Variants in RTP2 observed in about 807,000 individuals in gnomAD.
RTP2 encodes the protein receptor-transporting protein 2.
In RTP2, 12 loss-of-function variants were observed where a neutral mutation model predicts 17.9. That is an observed-to-expected ratio of 0.67 (90% CI 0.43 to 1.09). The LOEUF (loss-of-function observed/expected upper bound fraction) is 1.09, where lower values mean the gene tolerates loss of function less well. RTP2 is among the 50% of genes least tolerant of loss of function. The pLI, the probability that RTP2 is intolerant of heterozygous loss-of-function variation, is 0.00. For missense variants in RTP2, 327 were observed against 295.7 expected (o/e 1.11, Z -0.78); for synonymous variants, 126 against 117.7 (o/e 1.07, Z -0.46).
At chr3:187,702,533 T>A (rs1397007246) in exon 1 of RTP2, 3 of 459,588 alleles carry the variant, frequency 6.5e-6, no homozygotes, top group Non-Finnish European at 1.3e-5. Flanking sequence ...CCACATCATG[T>A]GCTATGGTAA....
chr3:187,702,770 GT>G (rs1473579717), upstream of RTP2, among the ~76,000 whole-genome samples: 1 of 152,218 alleles, frequency 6.6e-6, no homozygotes, highest in Non-Finnish European at 1.5e-5. Flanking sequence ...GAGCTCATTT[GT>G]TTATTTATTT....
chr3:187,714,512 C>G, the RTP2 span, among the ~76,000 whole-genome samples: 1 of 152,208 alleles, frequency 6.6e-6, no homozygotes, highest in Middle Eastern at 3.2e-3. Flanking sequence ...AGCACTGGCC[C>G]CATTTATACC....
chr3:187,704,672 G>A (rs772571609), upstream of RTP2, among the ~76,000 whole-genome samples: 5 of 152,148 alleles, frequency 3.3e-5, no homozygotes, highest in Non-Finnish European at 7.4e-5. Flanking sequence ...CTGTGTCTCC[G>A]CAATTCAAAG....
chr3:187,714,774 T>C, the RTP2 span, among the ~76,000 whole-genome samples: 1 of 151,814 alleles, frequency 6.6e-6, no homozygotes, highest in African/African-American at 2.4e-5. Context: ...GGAGGGTAAA[T>C]GGAGAAAAGA....
chr3:187,706,291 G>A (rs959802789), upstream of RTP2, among the ~76,000 whole-genome samples: 5 of 152,204 alleles, frequency 3.3e-5, no homozygotes, highest in Admixed American at 1.3e-4. Context: ...CAAAGCATAT[G>A]AGATGCAGAT....
At chr3:187,705,603 T>C (rs1717973131), upstream of RTP2, among the ~76,000 whole-genome samples, 1 of 152,206 alleles carries the variant, frequency 6.6e-6, no homozygotes, top group Non-Finnish European at 1.5e-5. Context: ...GCTGAGTCCA[T>C]TCCTGAGGCA....
chr3:187,703,338 T>C (rs977536702), upstream of RTP2, among the ~76,000 whole-genome samples: 4 of 152,170 alleles, frequency 2.6e-5, no homozygotes, highest in Admixed American at 2.0e-4. Flanking sequence ...CTCTTGGTGT[T>C]GAGTTGCCAA....
At chr3:187,699,917 C>A (rs1383039833) in intron 1 of RTP2, among the ~76,000 whole-genome samples, 1 of 152,158 alleles carries the variant, frequency 6.6e-6, no homozygotes, top group Admixed American at 6.5e-5. Context: ...ACTCCGCCCC[C>A]ACCACTGCCT....
chr3:187,710,056 G>A, the RTP2 span, among the ~76,000 whole-genome samples: 1 of 152,212 alleles, frequency 6.6e-6, no homozygotes, highest in East Asian at 1.9e-4. Context: ...GAGGAAAGCA[G>A]ATGGCCCTCC....
At chr3:187,702,471 G>T (rs1717878567) in exon 1 of RTP2, 10 of 481,250 alleles carry the variant, frequency 2.1e-5, no homozygotes, top group South Asian at 1.5e-4. Context: ...GTCTCCAGGA[G>T]GCAAGGACTA....
At chr3:187,710,697 A>T in the RTP2 span, among the ~76,000 whole-genome samples, 1 of 152,074 alleles carries the variant, frequency 6.6e-6, no homozygotes, top group Non-Finnish European at 1.5e-5. Flanking sequence ...TCTCTGGACA[A>T]CCCGGATTAA....
upstream of RTP2, among the ~76,000 whole-genome samples, chr3:187,702,784 G>A (rs1717887527): frequency 6.6e-6 from 1 of 152,208 alleles, no homozygotes; most frequent in South Asian, 2.1e-4. Flanking sequence ...ATTTATTTTA[G>A]TACTATTGTG....
At chr3:187,715,480 C>T in the RTP2 span, 4 of 332,258 alleles carry the variant, frequency 1.2e-5, no homozygotes, top group Non-Finnish European at 2.4e-5. Context: ...TTAGTGGCAG[C>T]ACTGAGGTTT....
exon 2 of RTP2, chr3:187,698,296 C>G: frequency 1.8e-6 from 1 of 568,376 alleles, no homozygotes; most frequent in Non-Finnish European, 3.1e-6. Flanking sequence ...TTTTCCCCTT[C>G]CCCCAATTAT....
chr3:187,709,815 AT>A, the RTP2 span, among the ~76,000 whole-genome samples: 2 of 152,250 alleles, frequency 1.3e-5, no homozygotes, highest in African/African-American at 4.8e-5. Context: ...TGTAGGATGA[AT>A]AATTTCATAT....
intron 1 of RTP2, among the ~76,000 whole-genome samples, chr3:187,700,402 C>A (rs1717815277): frequency 6.6e-6 from 1 of 152,228 alleles, no homozygotes; most frequent in African/African-American, 2.4e-5. Context: ...AGCTCATGGG[C>A]AGCAGTTCTT....
At chr3:187,712,152 T>A in the RTP2 span, among the ~76,000 whole-genome samples, 1 of 152,096 alleles carries the variant, frequency 6.6e-6, no homozygotes, top group Non-Finnish European at 1.5e-5. Flanking sequence ...CACGAGTGCA[T>A]GTAAAACGAT....
exon 1 of RTP2, chr3:187,702,035 C>A: frequency 6.2e-7 from 1 of 1,613,670 alleles, no homozygotes; most frequent in Non-Finnish European, 8.5e-7. Flanking sequence ...AGGTTGGGGT[C>A]TATGATGAGC....
the RTP2 span, among the ~76,000 whole-genome samples, chr3:187,714,625 C>A: frequency 6.6e-6 from 1 of 152,216 alleles, no homozygotes; most frequent in Non-Finnish European, 1.5e-5. Flanking sequence ...AGTAGAACAG[C>A]CTCAGAGAAA....
Sources: allele counts gnomAD v4.1 joint callset (sites outside exome capture counted in the v4.1 genomes callset), GRCh38; gene constraint gnomAD v4.1.1; transcripts MANE v1.5; gene names NCBI Gene and HGNC (gene_info 2026-07-23, HGNC 2026-07-21).